Variants in CSMD1 observed in about 807,000 individuals in gnomAD.
The protein encoded by CSMD1 is CUB and Sushi multiple domains 1.
Under a neutral mutation model 417.5 loss-of-function variants are expected in CSMD1, and 213 were observed. That is an observed-to-expected ratio of 0.51 (90% CI 0.46 to 0.57). The LOEUF (loss-of-function observed/expected upper bound fraction) is 0.57. Ranked by LOEUF, CSMD1 falls within the 20% of genes least tolerant of loss-of-function variation. The pLI is 0.00. For synonymous variants in CSMD1, 2,862 were observed against 1,736.8 expected (o/e 1.65, Z -16.11); for missense variants, 6,923 against 4,529.7 (o/e 1.53, Z -15.17).
chr8:4,286,294 C>G (rs1398317500), intron 3 of CSMD1, among the ~76,000 whole-genome samples: 1 of 152,074 alleles, frequency 6.6e-6, no homozygotes, highest in Admixed American at 6.6e-5. Flanking sequence ...GCTATCTGTC[C>G]TCAGGGGCCG....
chr8:3,575,769 A>G (rs1228378996), intron 9 of CSMD1, among the ~76,000 whole-genome samples: 1 of 152,168 alleles, frequency 6.6e-6, no homozygotes, highest in South Asian at 2.1e-4. Context: ...GAAGCATAGA[A>G]ATTGCATAAT....
At chr8:3,801,718 A>C (rs996788251) in intron 5 of CSMD1, among the ~76,000 whole-genome samples, 1 of 152,188 alleles carries the variant, frequency 6.6e-6, no homozygotes, top group African/African-American at 2.4e-5. Flanking sequence ...TATGGAAACA[A>C]TTCAAGCATT....
At chr8:3,556,530 A>G (rs1392142372) in intron 10 of CSMD1, among the ~76,000 whole-genome samples, 3 of 148,564 alleles carry the variant, frequency 2.0e-5, no homozygotes, top group South Asian at 2.1e-4. Flanking sequence ...ACACACACAC[A>G]CACACACACA....
At chr8:3,662,893 G>A (rs1001179677) in intron 7 of CSMD1, among the ~76,000 whole-genome samples, 1 of 152,014 alleles carries the variant, frequency 6.6e-6, no homozygotes, top group Non-Finnish European at 1.5e-5. Flanking sequence ...ATGCATGAGA[G>A]GCTTAAAACC....
chr8:4,032,211 G>C (rs868218297), intron 3 of CSMD1, 112 bp from the exon 4 acceptor site: 127 of 703,368 alleles, frequency 1.8e-4, no homozygotes, highest in African/African-American at 1.7e-3. Flanking sequence ...AAAACCTCTA[G>C]CATCAGAAAA....
chr8:3,671,196 A>G (rs140709541), intron 7 of CSMD1, among the ~76,000 whole-genome samples: 162 of 147,812 alleles, frequency 1.1e-3, no homozygotes, highest in African/African-American at 4.0e-3. Context: ...ATATATAGGT[A>G]TATGGGATCT....
chr8:4,382,926 T>TACA (rs1207630251), intron 3 of CSMD1, among the ~76,000 whole-genome samples: 1 of 152,132 alleles, frequency 6.6e-6, no homozygotes, highest in Non-Finnish European at 1.5e-5. Flanking sequence ...TGGGAAGGTG[T>TACA]ACATTCATTT....
At position 4,472,748 on chromosome 8, in the gene CSMD1, C is replaced by A. The variant is rs542489017; in HGVS notation, c.303-52683G>T. On this transcript the variant is annotated intron_variant, in intron 2 of 69. Transcript: ENST00000635120. ...TTTTACTTTCATAACTGTGGACGTT[C>A]ACTTCTTTTAATATAGAAAGTTATT... Among the ~76,000 whole-genome samples the A allele has an allele frequency of 9.9e-5, 15 of 151,970 alleles. No individual in the cohort carries two copies. In the South Asian group the frequency reaches 3.1e-3, roughly 32 times the overall value.
chr8:3,777,674 G>C (rs1418127458), intron 5 of CSMD1, among the ~76,000 whole-genome samples: 2 of 152,236 alleles, frequency 1.3e-5, no homozygotes, highest in Non-Finnish European at 2.9e-5. Context: ...GAAGTGCAGA[G>C]TCTCAGGACC....
At chr8:3,057,165 AAC>A (rs1359760396) in intron 49 of CSMD1, among the ~76,000 whole-genome samples, 4 of 152,026 alleles carry the variant, frequency 2.6e-5, no homozygotes, top group African/African-American at 9.7e-5. Flanking sequence ...TTTACACGCA[AAC>A]ACACACACAC....
At chr8:4,442,576 C>T (rs908358980) in intron 2 of CSMD1, among the ~76,000 whole-genome samples, 2 of 152,174 alleles carry the variant, frequency 1.3e-5, no homozygotes, top group African/African-American at 2.4e-5. Context: ...TATCTTGTTT[C>T]ACTTATAGCT....
At chr8:4,000,380 G>C (rs1422911843) in intron 4 of CSMD1, among the ~76,000 whole-genome samples, 1 of 152,210 alleles carries the variant, frequency 6.6e-6, no homozygotes, top group Non-Finnish European at 1.5e-5. Flanking sequence ...ACAGTTCCCT[G>C]TCAAAATTGT....
chr8:4,836,226 G>A (rs1245483879), intron 1 of CSMD1, among the ~76,000 whole-genome samples: 2 of 152,146 alleles, frequency 1.3e-5, no homozygotes, highest in Non-Finnish European at 2.9e-5. Context: ...TATTAGATAG[G>A]TTAATTAACT....
intron 5 of CSMD1, among the ~76,000 whole-genome samples, chr8:3,883,090 G>C (rs1291768187): frequency 6.6e-6 from 1 of 152,096 alleles, no homozygotes; most frequent in Admixed American, 6.6e-5. Flanking sequence ...TTTACTCTAA[G>C]AATTCCCTAA....
chr8:3,448,782 A>G (rs1815498854), intron 12 of CSMD1, among the ~76,000 whole-genome samples: 1 of 152,190 alleles, frequency 6.6e-6, no homozygotes, highest in Non-Finnish European at 1.5e-5. Context: ...ACTTCAGGCA[A>G]TAGTGAGTGA....
In CSMD1 at chr8:3,876,301, T is replaced by A. The variant is rs184799665; in HGVS notation, c.818+121602A>T. 1.9e-3 allele frequency among the ~76,000 whole-genome samples: 284 copies of A among 152,292 alleles called. 1 individual carries two copies. Among genetic ancestry groups the A allele is most frequent in the Non-Finnish European group, 3.4e-3 (229 of 68,024 alleles). On this transcript the variant is annotated intron_variant, in intron 5 of 69. Coordinates refer to ENST00000635120, the MANE Select transcript of CSMD1 (RefSeq NM_033225.6). The stretch of plus-strand genomic sequence containing the variant: ...ACCTTAGAAGTTTTTAGAATTAGTA[T>A]GGGAAAAGGTGATGCACATTTCAAA...
intron 26 of CSMD1, among the ~76,000 whole-genome samples, chr8:3,236,203 C>G (rs1032607382): frequency 6.6e-6 from 1 of 151,960 alleles, no homozygotes; most frequent in African/African-American, 2.4e-5. Flanking sequence ...CAGGTGTGAG[C>G]CACCGCGCCT....
intron 3 of CSMD1, among the ~76,000 whole-genome samples, chr8:4,176,379 G>A (rs1320741120): frequency 1.3e-5 from 2 of 151,952 alleles, no homozygotes; most frequent in African/African-American, 4.8e-5. Context: ...ACACTCTTAA[G>A]CCTCTTATTC....
chr8:4,923,531 T>C (rs1311413582), intron 1 of CSMD1, among the ~76,000 whole-genome samples: 1 of 152,052 alleles, frequency 6.6e-6, no homozygotes, highest in East Asian at 1.9e-4. Flanking sequence ...TATATTCATA[T>C]ATATATATAC....
Sources: allele counts gnomAD v4.1 joint callset (sites outside exome capture counted in the v4.1 genomes callset), GRCh38; gene constraint gnomAD v4.1.1; transcripts MANE v1.5; gene names NCBI Gene and HGNC (gene_info 2026-07-23, HGNC 2026-07-21).